Variants in LRRC4C observed in about 807,000 individuals in gnomAD.
LRRC4C encodes the protein leucine-rich repeat-containing protein 4C.
LRRC4C carries 5 observed loss-of-function variants against 33.6 expected under a neutral mutation model. The observed-to-expected ratio is 0.15, with a 90% CI of 0.08 to 0.31. LRRC4C has a LOEUF of 0.31. LRRC4C is among the 10% of genes least tolerant of loss of function. LRRC4C has a pLI of 1.00. For synonymous variants in LRRC4C, 329 were observed against 302.0 expected, an observed-to-expected ratio of 1.09 and a Z score of -0.93; for missense variants, 560 against 796.7, an observed-to-expected ratio of 0.70 and a Z score of 3.58.
At position 41,124,614 on chromosome 11, in the gene LRRC4C, T is replaced by A. The variant is rs117641883; in HGVS notation, c.-495-190891A>T. On this transcript the variant is annotated intron_variant, in intron 1 of 6. Transcript: ENST00000528697. The stretch of plus-strand genomic sequence containing the variant: ...TTTTAAAAACTTAATTTTCTATCTA[T>A]AAACATAGACAGTCATTAACATGAA... Among the ~76,000 whole-genome samples the A allele has an allele frequency of 2.6e-3, 400 of 152,352 alleles. 3 individuals are homozygous for A. Among genetic ancestry groups the A allele is most frequent in the Non-Finnish European group, 4.2e-3 (289 of 68,032 alleles).
intron 3 of LRRC4C, among the ~76,000 whole-genome samples, chr11:40,321,936 G>C (rs1311703596): frequency 6.6e-6 from 1 of 152,138 alleles, no homozygotes; most frequent in Non-Finnish European, 1.5e-5. Flanking sequence ...AACTGAGCTT[G>C]GTGGGGCTGC....
At chr11:41,130,056 G>T (rs1169487696) in intron 1 of LRRC4C, among the ~76,000 whole-genome samples, 1 of 151,912 alleles carries the variant, frequency 6.6e-6, no homozygotes, top group Non-Finnish European at 1.5e-5. Context: ...GAGAGAATAG[G>T]ATGTGTAACT....
intron 1 of LRRC4C, among the ~76,000 whole-genome samples, chr11:41,125,939 C>A (rs1243197592): frequency 6.6e-6 from 1 of 151,872 alleles, no homozygotes; most frequent in Non-Finnish European, 1.5e-5. Context: ...TGTGATTTGC[C>A]TTTTGTGAGC....
At chr11:40,463,389 G>T (rs908035636) in intron 3 of LRRC4C, among the ~76,000 whole-genome samples, 4 of 150,664 alleles carry the variant, frequency 2.7e-5, no homozygotes, top group African/African-American at 9.7e-5. Context: ...ACAGCACATG[G>T]ATCTTAGGAA....
chr11:40,520,244 ACTTTTAATTCT>A (rs1955753347), intron 3 of LRRC4C, among the ~76,000 whole-genome samples: 1 of 152,326 alleles, frequency 6.6e-6, no homozygotes, highest in South Asian at 2.1e-4. Flanking sequence ...CTGGAGTAGC[ACTTTTAATTCT>A]CTTCAATAAC....
intron 2 of LRRC4C, among the ~76,000 whole-genome samples, chr11:40,742,931 A>G (rs895015686): frequency 2.0e-5 from 3 of 152,056 alleles, no homozygotes. Context: ...AGTGACATAC[A>G]TATCATACCA....
chr11:41,165,725 T>C (rs990611028), intron 1 of LRRC4C, among the ~76,000 whole-genome samples: 2 of 152,104 alleles, frequency 1.3e-5, no homozygotes, highest in Admixed American at 6.6e-5. Context: ...GAATATCTTC[T>C]AGTTTGTAAA....
At chr11:40,971,675 T>A (rs760311304) in intron 1 of LRRC4C, among the ~76,000 whole-genome samples, 5 of 152,098 alleles carry the variant, frequency 3.3e-5, no homozygotes, top group Non-Finnish European at 5.9e-5. Context: ...GACCCCAGAA[T>A]GGTAGATCCA....
chr11:41,165,079 A>C (rs527721400), intron 1 of LRRC4C, among the ~76,000 whole-genome samples: 4 of 152,226 alleles, frequency 2.6e-5, no homozygotes, highest in African/African-American at 9.6e-5. Flanking sequence ...TGACCTCCAC[A>C]TTCTCACCAC....
intron 3 of LRRC4C, among the ~76,000 whole-genome samples, chr11:40,341,654 T>A (rs1260410684): frequency 6.6e-6 from 1 of 152,138 alleles, no homozygotes; most frequent in Non-Finnish European, 1.5e-5. Flanking sequence ...AACCTGCACA[T>A]TGTGCACATG....
At chr11:40,837,413 T>C (rs895739419) in intron 2 of LRRC4C, among the ~76,000 whole-genome samples, 4 of 152,070 alleles carry the variant, frequency 2.6e-5, no homozygotes, top group African/African-American at 9.7e-5. Flanking sequence ...CCTTCTTCCA[T>C]AGGTACAATA....
At chr11:41,012,948 A>G (rs1855316329) in intron 1 of LRRC4C, among the ~76,000 whole-genome samples, 1 of 151,990 alleles carries the variant, frequency 6.6e-6, no homozygotes, top group Admixed American at 6.6e-5. Context: ...TTTCCTATTG[A>G]GTTTGAGCTC....
At chr11:40,401,162 A>C (rs77157993) in intron 3 of LRRC4C, among the ~76,000 whole-genome samples, 74 of 129,868 alleles carry the variant, frequency 5.7e-4, no homozygotes, top group African/African-American at 1.9e-3. Flanking sequence ...AATAGGCTTA[A>C]TTATTAAAAA....
At chr11:40,801,425 C>T (rs1271747133) in intron 2 of LRRC4C, among the ~76,000 whole-genome samples, 2 of 152,132 alleles carry the variant, frequency 1.3e-5, no homozygotes, top group African/African-American at 4.8e-5. Flanking sequence ...TCCAATACCA[C>T]TTTATAGCAA....
intron 1 of LRRC4C, among the ~76,000 whole-genome samples, chr11:40,970,108 C>G (rs2136977257): frequency 6.6e-6 from 1 of 152,276 alleles, no homozygotes. Flanking sequence ...CCCCTGCTGA[C>G]TCTAGACGTG....
intron 3 of LRRC4C, among the ~76,000 whole-genome samples, chr11:40,589,726 T>C (rs1179984655): frequency 6.6e-6 from 1 of 151,618 alleles, no homozygotes; most frequent in Non-Finnish European, 1.5e-5. Flanking sequence ...TTATTTCTCC[T>C]TCACTTATGA....
intron 4 of LRRC4C, among the ~76,000 whole-genome samples, chr11:40,264,128 T>G (rs1157924407): frequency 1.3e-5 from 2 of 152,182 alleles, no homozygotes; most frequent in African/African-American, 4.8e-5. Flanking sequence ...TGGCACATAG[T>G]AAGTGCTCAC....
intron 1 of LRRC4C, among the ~76,000 whole-genome samples, chr11:40,945,316 G>A (rs764072836): frequency 8.6e-5 from 13 of 151,916 alleles, no homozygotes; most frequent in Admixed American, 3.3e-4. Context: ...CACCGTGCCC[G>A]GGCCAACTTT....
chr11:40,655,436 T>G (rs965124387), intron 2 of LRRC4C, among the ~76,000 whole-genome samples: 1 of 152,182 alleles, frequency 6.6e-6, no homozygotes, highest in Non-Finnish European at 1.5e-5. Context: ...AATAAAAATA[T>G]GGCAAACATG....
Sources: gnomAD v4.1 joint callset for allele counts (sites outside exome capture counted in the v4.1 genomes callset) on GRCh38, gnomAD v4.1.1 for gene constraint, MANE v1.5 for transcripts, NCBI Gene and HGNC (gene_info 2026-07-23, HGNC 2026-07-21) for gene names.